KIAA1217: variants seen among roughly 807,000 people sequenced by gnomAD.
KIAA1217 encodes the protein sickle tail protein homolog.
KIAA1217 carries 88 observed loss-of-function variants against 163.9 expected under a neutral mutation model. That is an observed-to-expected ratio of 0.54 (90% CI 0.45 to 0.64). KIAA1217 has a LOEUF of 0.64. Among genes scored for constraint, KIAA1217 ranks in the 30% least tolerant of loss-of-function variants. The pLI is 0.00. For synonymous variants in KIAA1217, 903 were observed against 923.1 expected, an observed-to-expected ratio of 0.98 and a Z score of 0.39; for missense variants, 2,372 against 2,475.0, an observed-to-expected ratio of 0.96 and a Z score of 0.88.
chr10:24,108,246 G>C (rs1035563678), intron 2 of KIAA1217, among the ~76,000 whole-genome samples: 5 of 152,186 alleles, frequency 3.3e-5, no homozygotes, highest in Non-Finnish European at 5.9e-5. Context: ...CTGAGGCAGA[G>C]GCAGAAACTC....
At chr10:23,861,827 A>G (rs1839964060) in intron 1 of KIAA1217, among the ~76,000 whole-genome samples, 1 of 152,198 alleles carries the variant, frequency 6.6e-6, no homozygotes, top group African/African-American at 2.4e-5. Context: ...CAGAGCCTCC[A>G]GGCCAGCTGA....
chr10:23,992,519 G>A (rs1444579390), intron 1 of KIAA1217, among the ~76,000 whole-genome samples: 1 of 152,032 alleles, frequency 6.6e-6, no homozygotes, highest in Non-Finnish European at 1.5e-5. Flanking sequence ...GTCCTGATTT[G>A]AGGTTGAAGA....
chr10:24,307,075 T>C (rs1410771011), intron 2 of KIAA1217, among the ~76,000 whole-genome samples: 1 of 152,154 alleles, frequency 6.6e-6, no homozygotes, highest in Admixed American at 6.5e-5. Flanking sequence ...CTCCTGAAGG[T>C]CTTAGTTTAT....
At chr10:24,093,261 G>C in intron 2 of KIAA1217, among the ~76,000 whole-genome samples, 1 of 151,572 alleles carries the variant, frequency 6.6e-6, no homozygotes, top group Non-Finnish European at 1.5e-5. Flanking sequence ...GCCTCCACCT[G>C]CTGGGTTCCA....
chr10:24,239,961 A>G (rs1052829324), intron 2 of KIAA1217, among the ~76,000 whole-genome samples: 1 of 152,166 alleles, frequency 6.6e-6, no homozygotes, highest in Non-Finnish European at 1.5e-5. Context: ...GGGAAGCAGG[A>G]TTTCTAAATT....
chr10:24,089,798 C>T (rs1460170949), intron 2 of KIAA1217, among the ~76,000 whole-genome samples: 1 of 151,728 alleles, frequency 6.6e-6, no homozygotes, highest in African/African-American at 2.4e-5. Context: ...AAAGAGGATA[C>T]AAACAAATGG....
At chr10:24,460,641 C>T (rs1180187969) in intron 5 of KIAA1217, among the ~76,000 whole-genome samples, 1 of 152,160 alleles carries the variant, frequency 6.6e-6, no homozygotes, top group Admixed American at 6.5e-5. Context: ...CACCTTTCAT[C>T]AGAAGTCATC....
intron 2 of KIAA1217, among the ~76,000 whole-genome samples, chr10:24,009,899 G>A (rs1847168322): frequency 6.6e-6 from 1 of 152,114 alleles, no homozygotes; most frequent in Admixed American, 6.6e-5. Context: ...CTCTGTCTGA[G>A]CTGAATGTGT....
intron 1 of KIAA1217, among the ~76,000 whole-genome samples, chr10:23,824,631 G>GAAAA (rs1216051100): frequency 1.8e-4 from 2 of 11,358 alleles, no homozygotes; most frequent in Non-Finnish European, 5.6e-4. Flanking sequence ...TCTGTCTCAA[G>GAAAA]AAAAAAAAAA....
At chr10:24,209,732 A>G (rs950332460) in intron 1 of KIAA1217, among the ~76,000 whole-genome samples, 5 of 152,148 alleles carry the variant, frequency 3.3e-5, no homozygotes, top group African/African-American at 1.2e-4. Context: ...AATCACAGAA[A>G]CCAGGCATGT....
chr10:24,472,619 T>TA (rs1290748301), intron 5 of KIAA1217, among the ~76,000 whole-genome samples: 3 of 152,192 alleles, frequency 2.0e-5, no homozygotes, highest in African/African-American at 7.2e-5. Context: ...CACCACACTA[T>TA]TTTTTCCTGA....
intron 1 of KIAA1217, among the ~76,000 whole-genome samples, chr10:23,888,826 C>G (rs1376249907): frequency 6.6e-6 from 1 of 151,884 alleles, no homozygotes; most frequent in African/African-American, 2.4e-5. Flanking sequence ...AGAAAGTCCT[C>G]TCTTGCAAAC....
At chr10:24,241,993 T>C (rs903612607) in intron 2 of KIAA1217, among the ~76,000 whole-genome samples, 2 of 152,202 alleles carry the variant, frequency 1.3e-5, no homozygotes, top group Non-Finnish European at 2.9e-5. Context: ...ACAGATGATG[T>C]CTGTGGTCCC....
intron 3 of KIAA1217, among the ~76,000 whole-genome samples, chr10:24,399,332 G>A (rs760811742): frequency 2.0e-5 from 3 of 152,040 alleles, no homozygotes; most frequent in Admixed American, 6.6e-5. Context: ...CATTTGTGAC[G>A]TACTCACTTT....
intron 2 of KIAA1217, among the ~76,000 whole-genome samples, chr10:24,347,585 TA>T (rs1356220683): frequency 6.6e-6 from 1 of 152,226 alleles, no homozygotes; most frequent in African/African-American, 2.4e-5. Context: ...TCACAAGTTT[TA>T]TTTTTTTTAA....
At chr10:24,513,228 C>A (rs776260425) in intron 9 of KIAA1217, 31 bp from the exon 10 acceptor site, 1 of 1,607,732 alleles carries the variant, frequency 6.2e-7, no homozygotes, top group African/African-American at 1.3e-5. Flanking sequence ...GCAGGCAGAG[C>A]CCACTGAGGT....
chr10:24,391,492 C>T (rs1564600280), intron 3 of KIAA1217, among the ~76,000 whole-genome samples: 1 of 151,930 alleles, frequency 6.6e-6, no homozygotes, highest in East Asian at 1.9e-4. Context: ...TTACAGGCAA[C>T]GGCCAACACA....
chr10:23,738,844 C>G (rs1838949893), intron 1 of KIAA1217, among the ~76,000 whole-genome samples: 1 of 152,072 alleles, frequency 6.6e-6, no homozygotes, highest in Non-Finnish European at 1.5e-5. Flanking sequence ...AAAGTCCCTA[C>G]TTTCATGGCG....
In KIAA1217 at chr10:24,473,463, C is replaced by G; in HGVS notation, c.1082C>G (p.Ser361Cys). The G allele has an allele frequency of 6.2e-7, 1 of 1,614,190 alleles. No individual in the cohort carries two copies. Among genetic ancestry groups the G allele is most frequent in the Non-Finnish European group, 8.5e-7 (1 of 1,180,036 alleles). ...AGCCTGCCAGTCTCCAGACCCATCT[C>G]TCCAAGCCCAAGCGCCATTTTAGAA... ...ISSLPVSRPISPSPSAILERR... is the reference protein window; with the variant it reads ...ISSLPVSRPICPSPSAILERR... Residue 361 changes from serine (S) to cysteine (C), a missense_variant, in exon 6 of 21, where the codon TCT becomes TGT. Physicochemically the swap from Ser to Cys is moderately radical, Grantham distance 112 (BLOSUM62 -1). Coordinates refer to ENST00000376454, the MANE Select transcript of KIAA1217 (RefSeq NM_019590.5).
Sources: gnomAD v4.1 joint callset for allele counts (sites outside exome capture counted in the v4.1 genomes callset) on GRCh38, gnomAD v4.1.1 for gene constraint, MANE v1.5 for transcripts, NCBI Gene and HGNC (gene_info 2026-07-23, HGNC 2026-07-21) for gene names.